The following ZNF254 variants were observed in gnomAD, a reference collection of about 807,000 sequenced individuals.
The protein encoded by ZNF254 is zinc finger protein 254, also known as CTD-2017D11.1.
ZNF254 carries 10 observed loss-of-function variants against 12.4 expected under a neutral mutation model. The ratio of observed to expected loss-of-function variants is 0.80; its 90% CI spans 0.50 to 1.36. The LOEUF is 1.36. Among genes scored for constraint, ZNF254 ranks in the 40% most tolerant of loss-of-function variants. The pLI is 0.00. For synonymous variants in ZNF254, 305 were observed against 253.4 expected (o/e 1.20, Z -1.93); for missense variants, 996 against 763.9 (o/e 1.30, Z -3.58).
At chr19:24,067,499 A>C (rs1971320485) in intron 2 of ZNF254, among the ~76,000 whole-genome samples, 1 of 151,922 alleles carries the variant, frequency 6.6e-6, no homozygotes, top group African/African-American at 2.4e-5. Context: ...GGCCTTGCCT[A>C]CTGTAGTGAT....
intron 3 of ZNF254, among the ~76,000 whole-genome samples, chr19:24,122,814 T>C (rs757560744): frequency 8.1e-5 from 12 of 148,854 alleles, no homozygotes; most frequent in Non-Finnish European, 1.3e-4. Context: ...CTGCAATAAT[T>C]ATCACTATGT....
intron 2 of ZNF254, among the ~76,000 whole-genome samples, chr19:24,060,362 C>T (rs753970961): frequency 9.9e-5 from 15 of 152,098 alleles, no homozygotes; most frequent in Non-Finnish European, 2.1e-4. Flanking sequence ...ACTAACACAT[C>T]ACTAGGCCCA....
chr19:24,039,616 G>A (rs868110546), intron 1 of ZNF254, among the ~76,000 whole-genome samples: 10 of 152,066 alleles, frequency 6.6e-5, no homozygotes, highest in South Asian at 4.1e-4. Flanking sequence ...AGGTCTGGAG[G>A]CTCAAACTGA....
At chr19:24,067,389 T>A (rs10407426) in intron 2 of ZNF254, among the ~76,000 whole-genome samples, 10,428 of 151,644 alleles carry the variant, frequency 0.069, 527 homozygotes, top group African/African-American at 0.13. Flanking sequence ...GTTGGCTAAA[T>A]GACAGGACTC....
Position 24,105,966 on chromosome 19 carries a change from C to A in ZNF254, c.57C>A (p.Ala19=). 4 of 1,597,904 alleles carry A rather than the reference C, an allele frequency of 2.5e-6. No homozygotes were observed. The highest frequency in any genetic ancestry group is 3.4e-6 in the Non-Finnish European group (4 of 1,170,230). ...GACTGTTGACATTTAGGGATGTGGC[C>A]ATAGAATTCTCTCTGGAGGAGTGGC... ...EMGLLTFRDV[A]IEFSLEEWQH... Residue 19 remains alanine (A), a synonymous_variant, in exon 2 of 4, where the codon GCC becomes GCA. Transcript: ENST00000357002.
At chr19:24,122,971 C>A (rs1245007249) in intron 3 of ZNF254, among the ~76,000 whole-genome samples, 1 of 151,428 alleles carries the variant, frequency 6.6e-6, no homozygotes, top group Non-Finnish European at 1.5e-5. Context: ...ACTTTAATGC[C>A]TCCAGCATTG....
rs1310339617 is a variant in ZNF254 at position 24,119,640 on chromosome 19, C to T, written c.254-6614C>T. On this transcript the variant is annotated intron_variant, in intron 3 of 3. Coordinates refer to ENST00000357002, the MANE Select transcript of ZNF254 (RefSeq NM_203282.4). ...AGGTAGCTGGGTTACAAGTGTGTAG[C>T]TTCATGTCCTCCCAGTTTTTTTGTA... Among the ~76,000 whole-genome samples, 6 of 152,180 alleles carry T rather than the reference C, an allele frequency of 3.9e-5. 1 individual carries two copies. The highest frequency in any genetic ancestry group is 1.4e-4 in the African/African-American group (6 of 41,536).
chr19:24,117,356 G>C (rs149920605), intron 3 of ZNF254, among the ~76,000 whole-genome samples: 1 of 152,166 alleles, frequency 6.6e-6, no homozygotes, highest in Non-Finnish European at 1.5e-5. Context: ...CCCAGTTTGA[G>C]CTTCCCGGCT....
chr19:24,059,388 C>T (rs970375395), intron 2 of ZNF254, among the ~76,000 whole-genome samples: 2 of 152,160 alleles, frequency 1.3e-5, no homozygotes, highest in African/African-American at 2.4e-5. Flanking sequence ...CATGACTAGG[C>T]CCTGCTTACA....
intron 1 of ZNF254, chr19:24,105,706 A>T: frequency 2.2e-6 from 1 of 454,714 alleles, no homozygotes; most frequent in Non-Finnish European, 3.5e-6. Flanking sequence ...TTTACATGTT[A>T]TCTTCCAGAC....
At chr19:24,111,331 T>C (rs1409087998) in intron 3 of ZNF254, among the ~76,000 whole-genome samples, 1 of 152,160 alleles carries the variant, frequency 6.6e-6, no homozygotes, top group Non-Finnish European at 1.5e-5. Flanking sequence ...ATGTGCCACA[T>C]TTTCTTAATC....
At chr19:24,110,728 TTC>T (rs1263115215) in intron 3 of ZNF254, among the ~76,000 whole-genome samples, 1 of 152,154 alleles carries the variant, frequency 6.6e-6, no homozygotes, top group Non-Finnish European at 1.5e-5. Flanking sequence ...CCCTTCCACC[TTC>T]TGTTTTTATG....
chr19:24,069,625 AAAG>A (rs1336777234), intron 2 of ZNF254, among the ~76,000 whole-genome samples: 1 of 149,168 alleles, frequency 6.7e-6, no homozygotes, highest in African/African-American at 2.5e-5. Context: ...AAAAAAAAAA[AAAG>A]AATATTCTGC....
At chr19:24,049,214 A>ATATATATATATATATTT (rs1160333151) in intron 2 of ZNF254, among the ~76,000 whole-genome samples, 4 of 40,868 alleles carry the variant, frequency 9.8e-5, no homozygotes, top group South Asian at 8.3e-4. Flanking sequence ...ATATATATAT[A>ATATATATATATATATTT]TTTTTTTTTT....
rs1369812654 is a variant in ZNF254, at chr19:24,127,321, A to G, written c.1321A>G (p.Lys441Glu). The G allele has an allele frequency of 6.2e-7, 1 of 1,613,696 alleles. No individual in the cohort carries two copies. Among genetic ancestry groups the G allele is most frequent in the Non-Finnish European group, 8.5e-7 (1 of 1,179,868 alleles). Reference protein sequence around the residue: ...EKPYKCEECGKAFIWSSTLTK... With the variant: ...EKPYKCEECGEAFIWSSTLTK... Reference sequence around the variant, plus strand: ...ACCTTACAAGTGTGAAGAATGTGGCAAAGCATTTATCTGGTCCTCAACCCT... The same window carrying G: ...ACCTTACAAGTGTGAAGAATGTGGCGAAGCATTTATCTGGTCCTCAACCCT... The change falls in exon 4 of 4, where the codon AAA (lysine) becomes GAA (glutamate). Residue 441 changes from lysine (K) to glutamate (E), a missense_variant. By Grantham distance (56) the Lys-to-Glu change is moderately conservative. Transcript: ENST00000357002.
chr19:24,110,622 A>C (rs1485674828), intron 3 of ZNF254, among the ~76,000 whole-genome samples: 1 of 152,178 alleles, frequency 6.6e-6, no homozygotes, highest in Non-Finnish European at 1.5e-5. Context: ...CGTTATGCAA[A>C]AGACTTCTAG....
chr19:24,117,471 ACT>A (rs1289674786), intron 3 of ZNF254, among the ~76,000 whole-genome samples: 3 of 151,956 alleles, frequency 2.0e-5, no homozygotes, highest in Non-Finnish European at 2.9e-5. Context: ...AATCAGCGAG[ACT>A]CTGTGGGCGT....
At chr19:24,112,649 T>C (rs1013980421) in intron 3 of ZNF254, among the ~76,000 whole-genome samples, 4 of 151,966 alleles carry the variant, frequency 2.6e-5, no homozygotes, top group African/African-American at 9.7e-5. Flanking sequence ...GTAGTTCTCC[T>C]TGAAGAGGTC....
At chr19:24,119,058 T>C (rs962319225) in intron 3 of ZNF254, among the ~76,000 whole-genome samples, 1 of 151,928 alleles carries the variant, frequency 6.6e-6, no homozygotes, top group Non-Finnish European at 1.5e-5. Context: ...ATTGGAGTGA[T>C]TGGAGAGCAT....
Sources: gnomAD v4.1 joint callset for allele counts (sites outside exome capture counted in the v4.1 genomes callset) on GRCh38, gnomAD v4.1.1 for gene constraint, MANE v1.5 for transcripts, NCBI Gene and HGNC (gene_info 2026-07-23, HGNC 2026-07-21) for gene names.